Variants in PTP4A1 observed in about 807,000 individuals in gnomAD.
PTP4A1 encodes the protein protein tyrosine phosphatase 4A1, also known as protein tyrosine phosphatase type IVA 1.
A neutral mutation model predicts 20.5 loss-of-function variants in PTP4A1; 9 were observed. The observed-to-expected ratio is 0.44, with a 90% CI of 0.26 to 0.77. PTP4A1 has a LOEUF of 0.77. Ranked by LOEUF, PTP4A1 falls within the 30% of genes least tolerant of loss-of-function variation. The probability of loss-of-function intolerance (pLI) is 0.19; values close to 1 mark genes in which losing one functional copy is unlikely to be tolerated. For missense variants in PTP4A1, 137 were observed against 218.8 expected (o/e 0.63, Z 2.36); for synonymous variants, 78 against 67.4 (o/e 1.16, Z -0.77).
At chr6:63,544,463 C>T (rs1334849646) in intron 2 of PTP4A1, among the ~76,000 whole-genome samples, 1 of 151,974 alleles carries the variant, frequency 6.6e-6, no homozygotes, top group Non-Finnish European at 1.5e-5. Flanking sequence ...GCACAATTAT[C>T]AAAATCAGGC....
chr6:63,556,211 T>C (rs1222975063), intron 3 of PTP4A1, among the ~76,000 whole-genome samples: 1 of 152,122 alleles, frequency 6.6e-6, no homozygotes, highest in African/African-American at 2.4e-5. Flanking sequence ...TCTTGCTTTG[T>C]TGCAGTGCCA....
chr6:63,547,348 C>T (rs1196876044), intron 2 of PTP4A1, among the ~76,000 whole-genome samples: 2 of 151,662 alleles, frequency 1.3e-5, no homozygotes, highest in South Asian at 4.2e-4. Flanking sequence ...TGCCACCATG[C>T]CTAGCTAATT....
At chr6:63,560,359 A>G (rs1301450368) in intron 3 of PTP4A1, among the ~76,000 whole-genome samples, 1 of 149,636 alleles carries the variant, frequency 6.7e-6, no homozygotes, top group East Asian at 1.9e-4. Context: ...AAAAAAAAAG[A>G]AAGAAAGAAA....
intron 2 of PTP4A1, among the ~76,000 whole-genome samples, chr6:63,540,260 T>A (rs1206158324): frequency 7.9e-6 from 1 of 126,852 alleles, no homozygotes; most frequent in Non-Finnish European, 1.8e-5. Flanking sequence ...GGAGCCCAGA[T>A]GTATATAGAA....
At chr6:63,552,004 C>A (rs1415423728) in intron 3 of PTP4A1, among the ~76,000 whole-genome samples, 2 of 152,280 alleles carry the variant, frequency 1.3e-5, no homozygotes, top group African/African-American at 4.8e-5. Context: ...AATAAACATA[C>A]GTGTGCATGT....
At chr6:63,519,863 A>G (rs1774859864), upstream of PTP4A1, among the ~76,000 whole-genome samples, 1 of 152,236 alleles carries the variant, frequency 6.6e-6, no homozygotes, top group Non-Finnish European at 1.5e-5. Flanking sequence ...AATAAAAACC[A>G]TTCTGTTCAG....
At chr6:63,566,455 T>A (rs942297388) in intron 3 of PTP4A1, among the ~76,000 whole-genome samples, 1 of 152,114 alleles carries the variant, frequency 6.6e-6, no homozygotes, top group Non-Finnish European at 1.5e-5. Context: ...ATGTTCAAGC[T>A]GGTTTGGGTT....
chr6:63,557,034 T>C (rs776404310), intron 3 of PTP4A1, among the ~76,000 whole-genome samples: 6 of 152,356 alleles, frequency 3.9e-5, no homozygotes, highest in South Asian at 2.1e-4. Flanking sequence ...GCATGAAATA[T>C]GCTAGTTTCT....
At chr6:63,537,789 A>T (rs1775786470) in intron 2 of PTP4A1, among the ~76,000 whole-genome samples, 1 of 152,184 alleles carries the variant, frequency 6.6e-6, no homozygotes, top group East Asian at 1.9e-4. Flanking sequence ...GGCAAGGGGG[A>T]AGGAGGGTGA....
chr6:63,567,478 C>T (rs748585251), intron 3 of PTP4A1, among the ~76,000 whole-genome samples: 2 of 152,154 alleles, frequency 1.3e-5, no homozygotes, highest in East Asian at 3.8e-4. Flanking sequence ...AAATAAATCA[C>T]GTTTTATCAG....
At chr6:63,552,189 T>G (rs1224814469) in intron 3 of PTP4A1, among the ~76,000 whole-genome samples, 1 of 152,182 alleles carries the variant, frequency 6.6e-6, no homozygotes, top group Non-Finnish European at 1.5e-5. Context: ...TTTCTCCACA[T>G]CCTCTCCAGC....
chr6:63,549,998 A>T (rs528884002), intron 2 of PTP4A1, among the ~76,000 whole-genome samples: 2 of 152,344 alleles, frequency 1.3e-5, no homozygotes, highest in Admixed American at 1.3e-4. Flanking sequence ...GTTTGAGATG[A>T]GGAACACACT....
Position 63,580,008 on chromosome 6 carries a change from CT to C in PTP4A1, c.405-48del, listed in dbSNP as rs1193617028. The C allele has an allele frequency of 4.4e-6, 6 of 1,359,508 alleles. No individual in the cohort carries two copies. In the South Asian group the frequency reaches 7.1e-5, roughly 16 times the overall value. The allele number at this position is 1,359,508 out of a possible 1,614,324, so 84.2% of individuals were successfully genotyped here. A position where few individuals can be genotyped will look rare whatever the true frequency, so the allele number is the denominator to read the frequency against. ...GTTGTCTATAAGACACTAAATATTA[CT>C]GTAGGGGGCTTTTGCCTTGTTTCAT... On this transcript the variant is annotated intron_variant, in intron 5 of 5. Transcript: ENST00000626021.
In PTP4A1 at chr6:63,576,862, GTTTT is replaced by G. The variant is rs760818957; in HGVS notation, c.-16_-13del. ...TAATTATTTCATAACCCTATTGAGT[GTTTT>G]TTAACTAAATTAACATGGCTCGAAT... On this transcript the variant is annotated 5_prime_UTR_variant, in exon 2 of 6. Coordinates refer to ENST00000626021, the MANE Select transcript of PTP4A1 (RefSeq NM_003463.5). 6.3e-6 allele frequency: 10 copies of G among 1,594,880 alleles called. No homozygotes were observed. Among genetic ancestry groups the G allele is most frequent in the Non-Finnish European group, 8.6e-6 (10 of 1,167,864 alleles).
intron 2 of PTP4A1, among the ~76,000 whole-genome samples, chr6:63,577,476 G>A (rs1489845716): frequency 6.6e-6 from 1 of 152,134 alleles, no homozygotes; most frequent in Non-Finnish European, 1.5e-5. Flanking sequence ...TAATATATCG[G>A]GATGTGCACA....
chr6:63,517,761 C>G (rs759986018), upstream of PTP4A1, among the ~76,000 whole-genome samples: 3 of 152,122 alleles, frequency 2.0e-5, no homozygotes, highest in African/African-American at 4.8e-5. Context: ...TAAGGAGCAG[C>G]CTTCCTCTGC....
At chr6:63,525,573 C>A (rs939698531) in intron 1 of PTP4A1, among the ~76,000 whole-genome samples, 6 of 152,314 alleles carry the variant, frequency 3.9e-5, no homozygotes, top group Admixed American at 1.3e-4. Flanking sequence ...TGGGTTCCAG[C>A]TCCACTGGAC....
At chr6:63,574,019 C>T (rs772168748) in intron 1 of PTP4A1, among the ~76,000 whole-genome samples, 30 of 152,238 alleles carry the variant, frequency 2.0e-4, no homozygotes, top group Non-Finnish European at 3.2e-4. Flanking sequence ...CGCGGAGCCC[C>T]CTACCAGTCC....
intron 1 of PTP4A1, 142 bp downstream of exon 1, chr6:63,572,861 G>A: frequency 2.5e-6 from 1 of 393,618 alleles, no homozygotes. Flanking sequence ...GTGGGAGCGG[G>A]CGGGTTATGG....
Sources: gnomAD v4.1 joint callset for allele counts (sites outside exome capture counted in the v4.1 genomes callset) on GRCh38, gnomAD v4.1.1 for gene constraint, MANE v1.5 for transcripts, NCBI Gene and HGNC (gene_info 2026-07-23, HGNC 2026-07-21) for gene names.